CCDC171: variants seen among roughly 807,000 people sequenced by gnomAD.
CCDC171 encodes the protein coiled-coil domain-containing protein 171.
Under a neutral mutation model 168.2 loss-of-function variants are expected in CCDC171, and 177 were observed. That is an observed-to-expected ratio of 1.05 (90% CI 0.93 to 1.19). The LOEUF (loss-of-function observed/expected upper bound fraction) is 1.19, where lower values mean the gene tolerates loss of function less well. CCDC171 is among the 50% of genes most tolerant of loss of function. The pLI, the probability that CCDC171 is intolerant of heterozygous loss-of-function variation, is 0.00. For synonymous variants in CCDC171, 687 were observed against 540.8 expected, an observed-to-expected ratio of 1.27 and a Z score of -3.75; for missense variants, 1,991 against 1,539.0, an observed-to-expected ratio of 1.29 and a Z score of -4.91.
Position 15,929,229 on chromosome 9 carries a change from G to A in CCDC171, c.3753+8807G>A, listed in dbSNP as rs76272945. ...TAGTAATTAAGTTGCAGAAAATATG[G>A]ATAGTAACTGGCAACATAATGCTCT... On this transcript the variant is annotated intron_variant, in intron 25 of 25. Transcript: ENST00000380701. 2.0e-5 allele frequency among the ~76,000 whole-genome samples: 3 copies of A among 151,750 alleles called. No homozygotes were observed. In the Admixed American group the frequency reaches 2.0e-4, roughly 10 times the overall value.
chr9:15,689,676 A>G (rs927716789), intron 10 of CCDC171, among the ~76,000 whole-genome samples: 6 of 152,292 alleles, frequency 3.9e-5, no homozygotes, highest in Admixed American at 3.9e-4. Context: ...ACACTACTGC[A>G]CTCTAGCCTG....
chr9:15,824,485 A>C (rs933386052), intron 21 of CCDC171, among the ~76,000 whole-genome samples: 3 of 151,942 alleles, frequency 2.0e-5, no homozygotes, highest in Non-Finnish European at 4.4e-5. Context: ...GGTCCCTTTC[A>C]ACAGTTAGTG....
At chr9:15,976,258 A>C (rs1427198371), downstream of CCDC171, among the ~76,000 whole-genome samples, 3 of 152,228 alleles carry the variant, frequency 2.0e-5, no homozygotes, top group African/African-American at 7.2e-5. Context: ...TTAATATGTT[A>C]ATCTTTTAAT....
At position 15,824,271 on chromosome 9, in the gene CCDC171, A is replaced by C. The variant is rs367673948; in HGVS notation, c.3268-22431A>C. 4.6e-5 allele frequency among the ~76,000 whole-genome samples: 7 copies of C among 152,158 alleles called. No individual in the cohort carries two copies. In the East Asian group the frequency reaches 1.2e-3, roughly 25 times the overall value. ...AATTATGTATTTCACATATATGTCT[A>C]TATACAATATAAAATAAAATTTATA... On this transcript the variant is annotated intron_variant, in intron 21 of 25. Coordinates refer to ENST00000380701, the MANE Select transcript of CCDC171 (RefSeq NM_173550.4).
At chr9:15,914,784 C>T (rs1174856944) in intron 24 of CCDC171, among the ~76,000 whole-genome samples, 1 of 151,984 alleles carries the variant, frequency 6.6e-6, no homozygotes, top group African/African-American at 2.4e-5. Context: ...GATGTAGGTA[C>T]CCAAGGGAAT....
At chr9:15,758,863 C>G (rs995238040) in intron 18 of CCDC171, among the ~76,000 whole-genome samples, 1 of 152,188 alleles carries the variant, frequency 6.6e-6, no homozygotes, top group Non-Finnish European at 1.5e-5. Context: ...CGCCTTTCAT[C>G]TTCCACCATG....
chr9:15,721,833 C>A lies in CCDC171; in HGVS notation c.1383C>A (p.Thr461=). ...FSVVLERLRR[T]LTDYQNKLED... The stretch of plus-strand genomic sequence containing the variant: ...TTGTCCTTGAGAGATTGAGGCGTAC[C>A]TTGACAGATTACCAGAACAAGCTGG... Residue 461 remains threonine (T), a synonymous_variant, in exon 12 of 26, where the codon ACC becomes ACA. Transcript: ENST00000380701. The A allele has an allele frequency of 6.4e-7, 1 of 1,563,218 alleles. No homozygotes were observed. The highest frequency in any genetic ancestry group is 8.7e-7 in the Non-Finnish European group (1 of 1,153,446).
chr9:15,570,278 A>AT (rs1284301354), intron 2 of CCDC171, among the ~76,000 whole-genome samples: 17 of 150,704 alleles, frequency 1.1e-4, no homozygotes, highest in Non-Finnish European at 3.0e-5. Context: ...GCTGTTTTTG[A>AT]TTTTTTAAGA....
At chr9:15,624,084 A>C (rs1234063479) in intron 7 of CCDC171, among the ~76,000 whole-genome samples, 1 of 152,194 alleles carries the variant, frequency 6.6e-6, no homozygotes, top group East Asian at 1.9e-4. Context: ...AAGAGTATTT[A>C]ATGGCAAAGT....
chr9:15,876,190 A>G (rs1436221751), intron 24 of CCDC171: 3 of 152,152 alleles, frequency 2.0e-5, no homozygotes, highest in Non-Finnish European at 4.4e-5. Flanking sequence ...AGTTTAAACT[A>G]CTGTCTTTTC....
intron 10 of CCDC171, among the ~76,000 whole-genome samples, chr9:15,690,918 A>G (rs1011980900): frequency 2.0e-5 from 3 of 152,166 alleles, no homozygotes; most frequent in Non-Finnish European, 2.9e-5. Flanking sequence ...AATGAAGTAA[A>G]TGCACATTAA....
At chr9:15,928,608 A>C (rs547109248) in intron 25 of CCDC171, among the ~76,000 whole-genome samples, 1 of 151,812 alleles carries the variant, frequency 6.6e-6, no homozygotes, top group East Asian at 1.9e-4. Flanking sequence ...ATTCACCTGC[A>C]TTTTATGTCA....
chr9:15,766,303 T>C (rs981099731), intron 18 of CCDC171, among the ~76,000 whole-genome samples: 1 of 152,148 alleles, frequency 6.6e-6, no homozygotes, highest in African/African-American at 2.4e-5. Flanking sequence ...TCATGAAATT[T>C]GTTAGCTTGA....
chr9:16,019,690 A>C (rs551699455), intron 3 of CCDC171, among the ~76,000 whole-genome samples: 1 of 152,298 alleles, frequency 6.6e-6, no homozygotes, highest in Admixed American at 6.5e-5. Context: ...CTGCATTTTA[A>C]ATATTTACTT....
chr9:15,672,860 A>G (rs940217675), intron 9 of CCDC171, among the ~76,000 whole-genome samples: 7 of 152,142 alleles, frequency 4.6e-5, no homozygotes, highest in African/African-American at 1.7e-4. Flanking sequence ...TTCCATATGA[A>G]CTTTAAAGTA....
At chr9:16,040,270 T>A (rs889247352), upstream of CCDC171, among the ~76,000 whole-genome samples, 1 of 152,156 alleles carries the variant, frequency 6.6e-6, no homozygotes. Context: ...TCTTTCCTTA[T>A]CTTGATCCCC....
At chr9:15,586,984 A>AT (rs1390954404) in intron 4 of CCDC171, among the ~76,000 whole-genome samples, 1 of 151,362 alleles carries the variant, frequency 6.6e-6, no homozygotes, top group African/African-American at 2.4e-5. Context: ...ATTAAAAAAA[A>AT]TTTTTTTTTG....
At chr9:15,916,806 A>G (rs1209641067) in intron 24 of CCDC171, among the ~76,000 whole-genome samples, 2 of 152,024 alleles carry the variant, frequency 1.3e-5, no homozygotes, top group Admixed American at 6.6e-5. Flanking sequence ...TATAAACACT[A>G]TAGATTATCC....
intron 23 of CCDC171, among the ~76,000 whole-genome samples, chr9:15,864,675 A>G (rs1263083520): frequency 6.6e-6 from 1 of 152,104 alleles, no homozygotes; most frequent in Non-Finnish European, 1.5e-5. Context: ...TAATTTCAGG[A>G]TAGGATAATG....
Sources: allele counts gnomAD v4.1 joint callset (sites outside exome capture counted in the v4.1 genomes callset), GRCh38; gene constraint gnomAD v4.1.1; transcripts MANE v1.5; gene names NCBI Gene and HGNC (gene_info 2026-07-23, HGNC 2026-07-21).